Variants in MIR17HG observed in about 807,000 individuals in gnomAD.
MIR17HG encodes the protein MIR17 host gene (non-protein coding).
chr13:91,353,562 A>G (rs1397052643), intron 3 of MIR17HG, among the ~76,000 whole-genome samples: 1 of 152,214 alleles, frequency 6.6e-6, no homozygotes, highest in Non-Finnish European at 1.5e-5. Context: ...AAAGCCATGT[A>G]AGTATTGTAT....
chr13:91,353,395 T>C (rs1236717777), intron 3 of MIR17HG, among the ~76,000 whole-genome samples: 1 of 152,208 alleles, frequency 6.6e-6, no homozygotes, highest in African/African-American at 2.4e-5. Context: ...AACAAGTTAA[T>C]AAATGTGTAT....
chr13:91,350,875 T>G, intron 3 of MIR17HG: 1 of 534,730 alleles, frequency 1.9e-6, no homozygotes, highest in South Asian at 1.4e-5. Flanking sequence ...TATAGGTGTT[T>G]TAATAGTTTT....
intron 1 of MIR17HG, among the ~76,000 whole-genome samples, chr13:91,348,676 C>T (rs1440060835): frequency 1.3e-5 from 2 of 150,704 alleles, no homozygotes; most frequent in East Asian, 3.9e-4. Flanking sequence ...AGGCCGCAGT[C>T]GGCCTCAGCC....
At chr13:91,353,345 C>T (rs1208606255) in intron 3 of MIR17HG, among the ~76,000 whole-genome samples, 3 of 152,096 alleles carry the variant, frequency 2.0e-5, no homozygotes, top group African/African-American at 7.2e-5. Flanking sequence ...TCATTGTGTT[C>T]AGAACTTAAT....
chr13:91,352,522 C>T (rs902511405), intron 3 of MIR17HG: 1 of 152,168 alleles, frequency 6.6e-6, no homozygotes, highest in Non-Finnish European at 1.5e-5. Flanking sequence ...CCCAATAAAT[C>T]TAGAAATCAG....
At chr13:91,348,686 C>T (rs1237386289) in intron 1 of MIR17HG, among the ~76,000 whole-genome samples, 2 of 150,644 alleles carry the variant, frequency 1.3e-5, no homozygotes, top group East Asian at 2.0e-4. Flanking sequence ...CGGCCTCAGC[C>T]GCGGCGTGGA....
At chr13:91,354,450 C>T (rs557948139) in exon 4 of MIR17HG, 1 of 152,058 alleles carries the variant, frequency 6.6e-6, no homozygotes, top group Non-Finnish European at 1.5e-5. Flanking sequence ...GTGCCTAGTT[C>T]TGTATTTACA....
exon 4 of MIR17HG, chr13:91,354,315 G>A (rs1176958099): frequency 2.0e-5 from 3 of 152,126 alleles, no homozygotes; most frequent in African/African-American, 7.2e-5. Context: ...TTCATATGTG[G>A]TATTAGTTTT....
chr13:91,351,155 T>G (rs758544671), intron 3 of MIR17HG: 4 of 525,724 alleles, frequency 7.6e-6, no homozygotes, highest in Non-Finnish European at 1.6e-5. Flanking sequence ...AACTCCAGCT[T>G]CGGCCTGTCG....
exon 4 of MIR17HG, chr13:91,354,412 T>C (rs553385972): frequency 1.3e-5 from 2 of 152,360 alleles, no homozygotes; most frequent in Admixed American, 6.5e-5. Flanking sequence ...TATCCAGTAA[T>C]GTAAACACAG....
intron 3 of MIR17HG, chr13:91,350,897 C>A (rs1477297925): frequency 1.9e-5 from 10 of 534,516 alleles, no homozygotes; most frequent in Non-Finnish European, 3.8e-5. Context: ...GTTTGCAGTC[C>A]TCTGTTAGTT....
intron 3 of MIR17HG, chr13:91,351,411 AT>A (rs1334920171): frequency 2.0e-6 from 1 of 509,136 alleles, no homozygotes; most frequent in Non-Finnish European, 4.2e-6. Context: ...TGACCAGAAG[AT>A]TTTGAAAATT....
exon 1 of MIR17HG, chr13:91,347,838 CG>C: frequency 6.6e-6 from 1 of 151,010 alleles, no homozygotes; most frequent in East Asian, 2.0e-4. Context: ...CCTCGCGGGG[CG>C]GGCCGGCCGG....
At chr13:91,350,205 A>C (rs1594013341) in exon 3 of MIR17HG, 1 of 177,412 alleles carries the variant, frequency 5.6e-6, no homozygotes, top group Admixed American at 5.5e-5. Flanking sequence ...TGCCACGTGG[A>C]TGTGAAGATT....
intron 3 of MIR17HG, chr13:91,350,782 A>T (rs1875269199): frequency 1.9e-6 from 1 of 534,796 alleles, no homozygotes; most frequent in Non-Finnish European, 3.8e-6. Flanking sequence ...CAGATAGTGA[A>T]GTAGATTAGC....
chr13:91,350,864 A>G (rs1875272664), intron 3 of MIR17HG: 1 of 534,758 alleles, frequency 1.9e-6, no homozygotes, highest in Non-Finnish European at 3.8e-6. Context: ...CCAAGCAAGT[A>G]TATAGGTGTT....
At chr13:91,348,543 T>C (rs1237413476) in intron 1 of MIR17HG, among the ~76,000 whole-genome samples, 1 of 150,786 alleles carries the variant, frequency 6.6e-6, no homozygotes, top group Non-Finnish European at 1.5e-5. Context: ...CGCGCGAGGG[T>C]GGGCGGAGGG....
chr13:91,350,704 C>T (rs765820225), intron 3 of MIR17HG: 15 of 533,798 alleles, frequency 2.8e-5, no homozygotes, highest in Non-Finnish European at 4.6e-5. Flanking sequence ...CCTCGGGAAG[C>T]CAAGTTGGGC....
At chr13:91,349,281 C>A (rs1044610380) in intron 1 of MIR17HG, among the ~76,000 whole-genome samples, 1 of 152,168 alleles carries the variant, frequency 6.6e-6, no homozygotes, top group African/African-American at 2.4e-5. Context: ...TAACGGCATG[C>A]CATCAGGACC....
Sources: gnomAD v4.1 joint callset for allele counts (sites outside exome capture counted in the v4.1 genomes callset) on GRCh38, gnomAD v4.1.1 for gene constraint, MANE v1.5 for transcripts, NCBI Gene and HGNC (gene_info 2026-07-23, HGNC 2026-07-21) for gene names.